The following TPD52L1 variants were observed in gnomAD, a reference collection of about 807,000 sequenced individuals.
TPD52L1 encodes TPD52 like 1.
A neutral mutation model predicts 28.7 loss-of-function variants in TPD52L1; 18 were observed. The ratio of observed to expected loss-of-function variants is 0.63; its 90% confidence interval spans 0.43 to 0.93. The LOEUF (loss-of-function observed/expected upper bound fraction) is 0.93, where lower values mean the gene tolerates loss of function less well. Among genes scored for constraint, TPD52L1 ranks in the 40% least tolerant of loss-of-function variants. The pLI is 0.00. For synonymous variants in TPD52L1, 75 were observed against 88.8 expected (o/e 0.84, Z 0.88); for missense variants, 203 against 254.8 (o/e 0.80, Z 1.39).
At chr6:125,193,305 C>T (rs778323730) in intron 1 of TPD52L1, among the ~76,000 whole-genome samples, 2 of 152,118 alleles carry the variant, frequency 1.3e-5, no homozygotes, top group Non-Finnish European at 2.9e-5. Flanking sequence ...TGTTTATGTT[C>T]TCCTTTCCTT....
At position 125,154,851 on chromosome 6, in the gene TPD52L1, G is replaced by A. The variant is rs558783871; in HGVS notation, c.19+881G>A. On this transcript the variant is annotated intron_variant, in intron 1 of 6. Transcript: ENST00000534000. ...CAGAAGGGATGGCTTGCGGAGTTCA[G>A]CCTTTAAGGCAATCAAAGCCACCAT... 2.0e-5 allele frequency among the ~76,000 whole-genome samples: 3 copies of A among 152,214 alleles called. No homozygotes were observed. The East Asian group carries it at 5.8e-4, about 29-fold the overall frequency.
intron 1 of TPD52L1, among the ~76,000 whole-genome samples, chr6:125,213,935 A>C (rs1206859899): frequency 1.3e-5 from 2 of 152,210 alleles, no homozygotes; most frequent in African/African-American, 4.8e-5. Flanking sequence ...AAATGACAAG[A>C]GTTAAGGGCA....
intron 4 of TPD52L1, 43 bp downstream of exon 4, chr6:125,248,426 C>A: frequency 2.0e-6 from 3 of 1,490,888 alleles, no homozygotes; most frequent in East Asian, 2.3e-5. Flanking sequence ...AAGCCCTTGG[C>A]TTTCCGATTG....
At chr6:125,185,983 T>C (rs1263783458) in intron 1 of TPD52L1, among the ~76,000 whole-genome samples, 1 of 149,028 alleles carries the variant, frequency 6.7e-6, no homozygotes, top group East Asian at 2.1e-4. Flanking sequence ...AACCTCTGCC[T>C]CCCAGGTTCA....
chr6:125,183,858 A>G (rs1389085548), intron 1 of TPD52L1, among the ~76,000 whole-genome samples: 3 of 152,238 alleles, frequency 2.0e-5, no homozygotes, highest in Non-Finnish European at 4.4e-5. Flanking sequence ...TTGGGAATGT[A>G]TACGATATGA....
At chr6:125,236,897 G>C (rs1796290189) in intron 3 of TPD52L1, among the ~76,000 whole-genome samples, 1 of 152,076 alleles carries the variant, frequency 6.6e-6, no homozygotes, top group Non-Finnish European at 1.5e-5. Context: ...GACAGAAAGA[G>C]GTTGCTTTTA....
chr6:125,158,252 T>C (rs1485153253), intron 1 of TPD52L1, among the ~76,000 whole-genome samples: 2 of 152,196 alleles, frequency 1.3e-5, no homozygotes, highest in Non-Finnish European at 1.5e-5. Flanking sequence ...ATAATAACTA[T>C]TTTTTATATC....
chr6:125,181,007 G>A (rs1031594281), intron 1 of TPD52L1, among the ~76,000 whole-genome samples: 2 of 152,168 alleles, frequency 1.3e-5, no homozygotes, highest in African/African-American at 4.8e-5. Context: ...ACCAGAGGAA[G>A]GGGAAGAAAT....
chr6:125,172,157 T>TTTCTTTCTTTCTTTTCTTTC (rs1554202455), intron 1 of TPD52L1, among the ~76,000 whole-genome samples: 2 of 54,008 alleles, frequency 3.7e-5, no homozygotes, highest in Non-Finnish European at 6.7e-5. Flanking sequence ...TCTTTCTTTC[T>TTTCTTTCTTTCTTTTCTTTC]TTTCTTTCTT....
chr6:125,198,825 C>T (rs1793612147), intron 1 of TPD52L1, among the ~76,000 whole-genome samples: 1 of 152,124 alleles, frequency 6.6e-6, no homozygotes, highest in Non-Finnish European at 1.5e-5. Flanking sequence ...GGGATGAGTA[C>T]TACTCGTATC....
intron 1 of TPD52L1, among the ~76,000 whole-genome samples, chr6:125,167,095 A>T (rs952515893): frequency 2.0e-5 from 3 of 151,966 alleles, no homozygotes; most frequent in Non-Finnish European, 4.4e-5. Context: ...CGTCTCTACT[A>T]AAAATAATAA....
chr6:125,222,581 G>A (rs1042830394), intron 2 of TPD52L1, among the ~76,000 whole-genome samples: 10 of 152,068 alleles, frequency 6.6e-5, no homozygotes, highest in Non-Finnish European at 1.5e-4. Context: ...TACTTTCCTC[G>A]TCTCTTCTGT....
intron 2 of TPD52L1, among the ~76,000 whole-genome samples, chr6:125,220,425 CAAT>C (rs1241695559): frequency 6.6e-6 from 1 of 152,148 alleles, no homozygotes; most frequent in African/African-American, 2.4e-5. Flanking sequence ...GCTTAAGCAA[CAAT>C]AATAACCAGT....
chr6:125,199,460 A>G (rs747993160), intron 1 of TPD52L1, among the ~76,000 whole-genome samples: 2 of 152,192 alleles, frequency 1.3e-5, no homozygotes, highest in Non-Finnish European at 2.9e-5. Flanking sequence ...TGCGGCGGGC[A>G]GAATCACCTG....
intron 1 of TPD52L1, among the ~76,000 whole-genome samples, chr6:125,195,681 G>T (rs1343269526): frequency 6.6e-6 from 1 of 152,142 alleles, no homozygotes; most frequent in Admixed American, 6.5e-5. Flanking sequence ...TACCCTTAGG[G>T]CATCTGACCT....
chr6:125,154,156 G>A, intron 1 of TPD52L1, 186 bp downstream of exon 1: 1 of 1,390,204 alleles, frequency 7.2e-7, no homozygotes, highest in Non-Finnish European at 9.3e-7. Flanking sequence ...CTGTGGGTCT[G>A]GGGATCAATA....
chr6:125,240,408 C>A (rs1307812249), intron 3 of TPD52L1, among the ~76,000 whole-genome samples: 1 of 151,992 alleles, frequency 6.6e-6, no homozygotes, highest in Non-Finnish European at 1.5e-5. Context: ...CTGTAGATTG[C>A]TATTGGCAGT....
Position 125,153,831 on chromosome 6 carries a change from A to C in TPD52L1, c.-121A>C. On this transcript the variant is annotated 5_prime_UTR_variant, in exon 1 of 7. Coordinates refer to ENST00000534000, the MANE Select transcript of TPD52L1 (RefSeq NM_003287.4). ...ACCCCCTCCGCGCAGCGCTCGCGAC[A>C]CGCGTGCCAGGAGTGGGAGCGAGCG... 2 of 1,177,980 alleles carry C rather than the reference A, an allele frequency of 1.7e-6. No homozygotes were observed. Among genetic ancestry groups the C allele is most frequent in the Non-Finnish European group, 2.3e-6 (2 of 868,982 alleles). 73.0% of individuals were successfully genotyped at this position (1,177,980 alleles called of 1,614,324 possible).
intron 1 of TPD52L1, among the ~76,000 whole-genome samples, chr6:125,205,620 A>C (rs1027101276): frequency 5.9e-5 from 9 of 152,084 alleles, no homozygotes; most frequent in South Asian, 4.2e-4. Flanking sequence ...TGAAACCTTT[A>C]ATTGGTTTGA....
Sources: gnomAD v4.1 joint callset for allele counts (sites outside exome capture counted in the v4.1 genomes callset) on GRCh38, gnomAD v4.1.1 for gene constraint, MANE v1.5 for transcripts, NCBI Gene and HGNC (gene_info 2026-07-23, HGNC 2026-07-21) for gene names.